The following DERL3 variants were observed in gnomAD, a reference collection of about 807,000 sequenced individuals.
The protein encoded by DERL3 is derlin-3.
In DERL3, 20 loss-of-function variants were observed where a neutral mutation model predicts 23.8. That is an observed-to-expected ratio of 0.84 (90% CI 0.59 to 1.22). The LOEUF (loss-of-function observed/expected upper bound fraction) is 1.22, where lower values mean the gene tolerates loss of function less well. Among genes scored for constraint, DERL3 ranks in the 50% most tolerant of loss-of-function variants. The probability of loss-of-function intolerance (pLI) is 0.00; values close to 1 mark genes in which losing one functional copy is unlikely to be tolerated. For missense variants in DERL3, 319 were observed against 304.1 expected (o/e 1.05, Z -0.36); for synonymous variants, 145 against 132.5 (o/e 1.09, Z -0.65).
rs751677247 is a variant in DERL3, at chr22:23,834,669, G to A, written c.*2200C>T. 1.9e-6 allele frequency: 2 copies of A among 1,069,820 alleles called. No homozygotes were observed. The highest frequency in any genetic ancestry group is 3.2e-5 in the African/African-American group (2 of 63,318). The allele number at this position is 1,069,820 out of a possible 1,614,324, so 66.3% of individuals were successfully genotyped here. On this transcript the variant is annotated 3_prime_UTR_variant, in exon 7 of 7. Transcript: ENST00000318109. ...TCAGATTCCCAAGTGGGCAGGTGGG[G>A]GTGAATGGGGCTCCGGGTAGCACCT...
chr22:23,835,740 C>T lies in DERL3; in HGVS notation c.*1129G>A, dbSNP rs191170008. The T allele has an allele frequency of 5.0e-5, 49 of 985,454 alleles. No individual in the cohort carries two copies. The South Asian group carries it at 8.9e-4, about 18-fold the overall frequency. 61.0% of individuals were successfully genotyped at this position (985,454 alleles called of 1,614,324 possible). A position where few individuals can be genotyped will look rare whatever the true frequency, so the allele number is the denominator to read the frequency against. On this transcript the variant is annotated 3_prime_UTR_variant, in exon 7 of 7. Coordinates refer to ENST00000318109, the MANE Select transcript of DERL3 (RefSeq NM_001002862.3). ...TGTTCTGTCCATGAGGTAGGAACCT[C>T]GGCAATGAAAGGGTGAGGCAGCCCT...
Position 23,838,652 on chromosome 22 carries a change from C to CG in DERL3, c.160-16dup. ...AGCCTCCAGACCTACGGGGGACGGG[C>CG]GGTCAGGTGCGGGGTGGGTGGGTCG... On this transcript the variant is annotated splice_polypyrimidine_tract_variant and intron_variant, in intron 2 of 6. Coordinates refer to ENST00000318109, the MANE Select transcript of DERL3 (RefSeq NM_001002862.3). The CG allele has an allele frequency of 3.6e-6, 2 of 550,468 alleles. No individual in the cohort carries two copies. The highest frequency in any genetic ancestry group is 4.9e-6 in the Non-Finnish European group (2 of 406,622). The allele number at this position is 550,468 out of a possible 1,614,324, so 34.1% of individuals were successfully genotyped here. A position where few individuals can be genotyped will look rare whatever the true frequency, so the allele number is the denominator to read the frequency against.
Position 23,836,296 on chromosome 22 carries a change from C to T in DERL3, c.*573G>A, listed in dbSNP as rs1379147126. The T allele has an allele frequency of 3.5e-5, 34 of 985,342 alleles. No individual in the cohort carries two copies. Among genetic ancestry groups the T allele is most frequent in the Non-Finnish European group, 4.0e-5 (33 of 829,944 alleles). 61.0% of individuals were successfully genotyped at this position (985,342 alleles called of 1,614,324 possible). A position where few individuals can be genotyped will look rare whatever the true frequency, so the allele number is the denominator to read the frequency against. On this transcript the variant is annotated 3_prime_UTR_variant, in exon 7 of 7. Transcript: ENST00000318109. Reference sequence around the variant, plus strand: ...ACCAGATGAAAAATGAGGCATACGCCCACCTGTCAGGGTGGCTGATGAGAG... The same window carrying T: ...ACCAGATGAAAAATGAGGCATACGCTCACCTGTCAGGGTGGCTGATGAGAG...
In DERL3 at chr22:23,834,906, G is replaced by A. The variant is rs1202701454; in HGVS notation, c.*1963C>T. 3 of 1,611,476 alleles carry A rather than the reference G, an allele frequency of 1.9e-6. No individual in the cohort carries two copies. The highest frequency in any genetic ancestry group is 2.5e-6 in the Non-Finnish European group (3 of 1,179,606). On this transcript the variant is annotated 3_prime_UTR_variant, in exon 7 of 7. Transcript: ENST00000318109. ...TGTCCAGATGGTCAGGCTACTGCCA[G>A]CTGGGGCCTTGCTGCTCTGAAGTCC...
rs1460406417 is a variant in DERL3 at position 23,835,995 on chromosome 22, G to A, written c.*874C>T. The A allele has an allele frequency of 7.3e-5, 72 of 985,374 alleles. No homozygotes were observed. The highest frequency in any genetic ancestry group is 1.8e-4 in the Admixed American group (3 of 16,274). 61.0% of individuals were successfully genotyped at this position (985,374 alleles called of 1,614,324 possible). A position where few individuals can be genotyped will look rare whatever the true frequency, so the allele number is the denominator to read the frequency against. On this transcript the variant is annotated 3_prime_UTR_variant, in exon 7 of 7. Coordinates refer to ENST00000318109, the MANE Select transcript of DERL3 (RefSeq NM_001002862.3). ...ACAACCTGTCTTTGGAGGAGGCCCC[G>A]TGCCACTGAGCATCCAGAAATAAAC...
chr22:23,837,902 G>A (rs1439267522), intron 4 of DERL3, 48 bp from the exon 5 acceptor site: 1 of 1,556,938 alleles, frequency 6.4e-7, no homozygotes, highest in Non-Finnish European at 8.7e-7. Context: ...CCCAAGCCCA[G>A]GGCCCCTCTG....
Position 23,835,290 on chromosome 22 carries a change from G to A in DERL3, c.*1579C>T, listed in dbSNP as rs1262054821. On this transcript the variant is annotated 3_prime_UTR_variant, in exon 7 of 7. Coordinates refer to ENST00000318109, the MANE Select transcript of DERL3 (RefSeq NM_001002862.3). ...CAGGATCTGGGAGGGCAGCAAACTGGCTCGCAGCTCCAGCCTTACTGAAGA... is the reference window on the plus strand; with the variant it reads ...CAGGATCTGGGAGGGCAGCAAACTGACTCGCAGCTCCAGCCTTACTGAAGA... 4 of 1,056,306 alleles carry A rather than the reference G, an allele frequency of 3.8e-6. No individual in the cohort carries two copies. The highest frequency in any genetic ancestry group is 1.4e-4 in the East Asian group (2 of 14,124). The allele number at this position is 1,056,306 out of a possible 1,614,324, so 65.4% of individuals were successfully genotyped here. A position where few individuals can be genotyped will look rare whatever the true frequency, so the allele number is the denominator to read the frequency against.
At chr22:23,837,605 T>G in intron 5 of DERL3, 54 bp downstream of exon 5, 1 of 1,563,314 alleles carries the variant, frequency 6.4e-7, no homozygotes, top group Non-Finnish European at 8.7e-7. Flanking sequence ...ATAAGCAGCG[T>G]GTCCTGAGGG....
Position 23,836,590 on chromosome 22 carries a change from C to T in DERL3, c.*279G>A. ...TGAGCTCAAAGCTCTGCCAGGCAAC[C>T]ATGGGCAGTTTCTTTGCCCTCTGTG... On this transcript the variant is annotated 3_prime_UTR_variant, in exon 7 of 7. Coordinates refer to ENST00000318109, the MANE Select transcript of DERL3 (RefSeq NM_001002862.3). The T allele has an allele frequency of 8.6e-7, 1 of 1,168,490 alleles. No individual in the cohort carries two copies. Among genetic ancestry groups the T allele is most frequent in the East Asian group, 4.1e-5 (1 of 24,348 alleles). The allele number at this position is 1,168,490 out of a possible 1,614,324, so 72.4% of individuals were successfully genotyped here.
rs1029122035 is a variant in DERL3 at position 23,835,164 on chromosome 22, G to C, written c.*1705C>G. The C allele has an allele frequency of 7.6e-7, 1 of 1,308,278 alleles. No individual in the cohort carries two copies. The highest frequency in any genetic ancestry group is 2.4e-5 in the South Asian group (1 of 41,894). 81.0% of individuals were successfully genotyped at this position (1,308,278 alleles called of 1,614,324 possible). A position where few individuals can be genotyped will look rare whatever the true frequency, so the allele number is the denominator to read the frequency against. ...TGGAGTTGACACGGTACAGGGAGGA[G>C]ACACAGCCCAGGGTCCCTTCCCAGC... is the stretch of plus-strand genomic sequence containing the variant. On this transcript the variant is annotated 3_prime_UTR_variant, in exon 7 of 7. Coordinates refer to ENST00000318109, the MANE Select transcript of DERL3 (RefSeq NM_001002862.3).
intron 4 of DERL3, 62 bp downstream of exon 4, chr22:23,838,290 C>T: frequency 1.3e-6 from 2 of 1,555,786 alleles, no homozygotes; most frequent in Non-Finnish European, 1.7e-6. Context: ...GGCCCCAGGA[C>T]CAACACAGGC....
chr22:23,836,868 G>A lies in DERL3; in HGVS notation c.*1C>T. Reference sequence around the variant, plus strand: ...CTCTTAGGCCTGGCCCTGGGTGGGGGTCACTGCTGCGGGGGTGGCAGATGG... The same window carrying A: ...CTCTTAGGCCTGGCCCTGGGTGGGGATCACTGCTGCGGGGGTGGCAGATGG... On this transcript the variant is annotated 3_prime_UTR_variant, in exon 7 of 7. Transcript: ENST00000318109. 6.8e-7 allele frequency: 1 copy of A among 1,461,598 alleles called. No individual in the cohort carries two copies. Among genetic ancestry groups the A allele is most frequent in the Non-Finnish European group, 9.0e-7 (1 of 1,105,356 alleles). The allele number at this position is 1,461,598 out of a possible 1,614,324, so 90.5% of individuals were successfully genotyped here.
Position 23,836,552 on chromosome 22 carries a change from G to C in DERL3, c.*317C>G. 1.9e-6 allele frequency: 2 copies of C among 1,080,630 alleles called. No homozygotes were observed. Among genetic ancestry groups the C allele is most frequent in the Non-Finnish European group, 2.2e-6 (2 of 892,980 alleles). The allele number at this position is 1,080,630 out of a possible 1,614,324, so 66.9% of individuals were successfully genotyped here. A position where few individuals can be genotyped will look rare whatever the true frequency, so the allele number is the denominator to read the frequency against. On this transcript the variant is annotated 3_prime_UTR_variant, in exon 7 of 7. Transcript: ENST00000318109. ...TGTCACCTGTGAGCTCAAAAGCTCT[G>C]CCTGGCAACCTGTGAGCTCAAAGCT...
rs1417502915 is a variant in DERL3 at position 23,838,148 on chromosome 22, T to G, written c.327+204A>C. ...GCCCTGACAACCCACCTGGCTCTTTTGTGCATGGCTTTGTATTTTGCATAC... is the reference window on the plus strand; with the variant it reads ...GCCCTGACAACCCACCTGGCTCTTTGGTGCATGGCTTTGTATTTTGCATAC... On this transcript the variant is annotated intron_variant, in intron 4 of 6. Transcript: ENST00000318109. 5 of 1,529,982 alleles carry G rather than the reference T, an allele frequency of 3.3e-6. No individual in the cohort carries two copies. The Admixed American group carries it at 7.9e-5, about 24-fold the overall frequency. 94.8% of individuals were successfully genotyped at this position (1,529,982 alleles called of 1,614,324 possible). A position where few individuals can be genotyped will look rare whatever the true frequency, so the allele number is the denominator to read the frequency against.
At chr22:23,837,457 T>C in intron 5 of DERL3, 1 of 663,088 alleles carries the variant, frequency 1.5e-6, no homozygotes. Flanking sequence ...CATCAGTAGA[T>C]CCGTCCTGAC....
rs781389727 is a variant in DERL3 at position 23,837,609 on chromosome 22, C to CT, written c.523+49dup. On this transcript the variant is annotated intron_variant, in intron 5 of 6. Coordinates refer to ENST00000318109, the MANE Select transcript of DERL3 (RefSeq NM_001002862.3). ...GGCCCCAGGGCATAAGCAGCGTGTC[C>CT]TGAGGGGAGTGGCCAGCCTGGGGCG... is the stretch of plus-strand genomic sequence containing the variant. 3.4e-5 allele frequency: 54 copies of CT among 1,580,454 alleles called. 1 individual carries two copies. The South Asian group carries it at 5.6e-4, about 17-fold the overall frequency.
chr22:23,837,329 A>G, intron 5 of DERL3, 175 bp from the exon 6 acceptor site: 1 of 832,276 alleles, frequency 1.2e-6, no homozygotes, highest in Non-Finnish European at 1.9e-6. Context: ...GACAAGCTTA[A>G]AAGGCCCAGA....
chr22:23,835,726 T>C lies in DERL3; in HGVS notation c.*1143A>G. On this transcript the variant is annotated 3_prime_UTR_variant, in exon 7 of 7. Transcript: ENST00000318109. ...ATTGCTGAGGTGTTTGTTCTGTCCA[T>C]GAGGTAGGAACCTCGGCAATGAAAG... The C allele has an allele frequency of 1.0e-6, 1 of 985,508 alleles. No individual in the cohort carries two copies. The highest frequency in any genetic ancestry group is 1.2e-6 in the Non-Finnish European group (1 of 829,950). The allele number at this position is 985,508 out of a possible 1,614,324, so 61.0% of individuals were successfully genotyped here. A position where few individuals can be genotyped will look rare whatever the true frequency, so the allele number is the denominator to read the frequency against.
chr22:23,837,605 T>C (rs1181452898), intron 5 of DERL3, 54 bp downstream of exon 5: 1 of 1,563,196 alleles, frequency 6.4e-7, no homozygotes, highest in Non-Finnish European at 8.7e-7. Context: ...ATAAGCAGCG[T>C]GTCCTGAGGG....
Sources: allele counts gnomAD v4.1 joint callset, GRCh38; gene constraint gnomAD v4.1.1; transcripts MANE v1.5; gene names NCBI Gene and HGNC (gene_info 2026-07-23, HGNC 2026-07-21).